Variants in NEXMIF observed in about 807,000 individuals in gnomAD.
The protein encoded by NEXMIF is neurite extension and migration factor, also known as XLMR protein related to neurite extension.
NEXMIF carries 8 observed loss-of-function variants against 62.1 expected under a neutral mutation model. That is an observed-to-expected ratio of 0.13 (90% CI 0.08 to 0.23). NEXMIF has a LOEUF of 0.23. Among genes scored for constraint, NEXMIF ranks in the 10% least tolerant of loss-of-function variants. NEXMIF has a pLI of 1.00. For synonymous variants in NEXMIF, 404 were observed against 416.6 expected (o/e 0.97, Z 0.37); for missense variants, 976 against 1,113.3 (o/e 0.88, Z 1.75).
chrX:74,924,073 C>A (rs754406049), intron 1 of NEXMIF, among the ~76,000 whole-genome samples: 4 of 111,958 alleles, frequency 3.6e-5, no homozygotes, highest in African/African-American at 1.3e-4. Flanking sequence ...ATGCTGAAAT[C>A]GCTGAATTCC....
chrX:74,748,812 C>T (rs1324456889), intron 1 of NEXMIF, among the ~76,000 whole-genome samples: 1 of 111,498 alleles, frequency 9.0e-6, no homozygotes, highest in East Asian at 2.8e-4. Context: ...AGGTGACCCA[C>T]ACCAACATTT....
intron 1 of NEXMIF, among the ~76,000 whole-genome samples, chrX:74,922,888 C>T (rs59447377): frequency 0.16 from 17,246 of 110,387 alleles, 1,963 homozygotes; most frequent in East Asian, 0.9. Flanking sequence ...TCTGGGGGGG[C>T]CAGTTGGGAC....
chrX:74,812,585 T>A (rs761418000), intron 1 of NEXMIF, among the ~76,000 whole-genome samples: 4 of 111,091 alleles, frequency 3.6e-5, no homozygotes, highest in African/African-American at 1.3e-4. Flanking sequence ...AAATATTACA[T>A]AGGATAACAT....
chrX:74,870,007 C>A (rs2080594630), intron 1 of NEXMIF, among the ~76,000 whole-genome samples: 1 of 110,980 alleles, frequency 9.0e-6, no homozygotes, highest in Non-Finnish European at 1.9e-5. Context: ...CCCAGAATAG[C>A]CAAAGCTATC....
chrX:74,787,380 C>G (rs1271890367), intron 1 of NEXMIF, among the ~76,000 whole-genome samples: 1 of 111,310 alleles, frequency 9.0e-6, no homozygotes, highest in Non-Finnish European at 1.9e-5. Context: ...TTAAGATGCA[C>G]TCTCCGTGAC....
At chrX:74,794,298 G>T (rs2080297459) in intron 1 of NEXMIF, among the ~76,000 whole-genome samples, 1 of 106,277 alleles carries the variant, frequency 9.4e-6, no homozygotes, top group Non-Finnish European at 1.9e-5. Flanking sequence ...GGGGGTCAGG[G>T]GTCAGGGACC....
At chrX:74,829,641 A>G (rs1349614042) in intron 1 of NEXMIF, among the ~76,000 whole-genome samples, 1 of 111,904 alleles carries the variant, frequency 8.9e-6, no homozygotes, top group Non-Finnish European at 1.9e-5. Flanking sequence ...TGTTCTCCAC[A>G]GTGCTTGCAC....
Position 74,744,481 on chromosome X carries a change from G to A in NEXMIF, c.80-4C>T, listed in dbSNP as rs1444341298. On this transcript the variant is annotated splice_polypyrimidine_tract_variant and splice_region_variant and intron_variant, in intron 2 of 3. Coordinates refer to ENST00000055682, the MANE Select transcript of NEXMIF (RefSeq NM_001008537.3). ...GCCACATCCTGGTCCTCTGAGTCTA[G>A]AAAAAAGGGAAAGAAATGACAGGAA... is the stretch of plus-strand genomic sequence containing the variant. 6 of 1,156,224 alleles carry A rather than the reference G, an allele frequency of 5.2e-6. No individual in the cohort carries two copies. The Admixed American group carries it at 1.1e-4, about 20-fold the overall frequency.
chrX:74,812,609 G>C (rs2080363877), intron 1 of NEXMIF, among the ~76,000 whole-genome samples: 1 of 111,395 alleles, frequency 9.0e-6, no homozygotes, highest in Admixed American at 9.6e-5. Context: ...ACCAATAGGA[G>C]GAGGGGCAGG....
Position 74,875,863 on chromosome X carries a change from T to C in NEXMIF, c.-48+49020A>G, listed in dbSNP as rs1211764279. 3.2e-3 allele frequency among the ~76,000 whole-genome samples: 354 copies of C among 111,078 alleles called. 1 individual carries two copies. The highest frequency in any genetic ancestry group is 0.011 in the African/African-American group (333 of 30,584). ...ATATCCCCTTTATCATTTTTTATTG[T>C]GTCTATTTGATTCTTCTCTCTTTTT... On this transcript the variant is annotated intron_variant, in intron 1 of 3. Transcript: ENST00000055682.
At chrX:74,802,566 A>G (rs1165022904) in intron 1 of NEXMIF, among the ~76,000 whole-genome samples, 1 of 110,760 alleles carries the variant, frequency 9.0e-6, no homozygotes, top group Non-Finnish European at 1.9e-5. Flanking sequence ...CCTTTTGAAT[A>G]TCTCGAAAGC....
chrX:74,741,133 T>C lies in NEXMIF; in HGVS notation c.3424A>G (p.Asn1142Asp), dbSNP rs1403157869. 8.3e-7 allele frequency: 1 copy of C among 1,208,849 alleles called. No individual in the cohort carries two copies. Among genetic ancestry groups the C allele is most frequent in the East Asian group, 3.0e-5 (1 of 33,746 alleles). Residue 1142 changes from asparagine to aspartate, a missense_variant, in exon 3 of 4, where the codon AAT (asparagine) becomes GAT (aspartate). Coordinates refer to ENST00000055682, the MANE Select transcript of NEXMIF (RefSeq NM_001008537.3). Reference sequence around the variant, plus strand: ...AGCAGGCTGACAGAATCCTCATCATTGAACATATGGAACTGAAACTGGTGA... The same window carrying C: ...AGCAGGCTGACAGAATCCTCATCATCGAACATATGGAACTGAAACTGGTGA... ...NNHQFQFHMF[N>D]DEDSVSLLQK... is the part of the protein sequence containing the mutation.
intron 1 of NEXMIF, among the ~76,000 whole-genome samples, chrX:74,877,967 G>A (rs984159289): frequency 3.0e-4 from 34 of 111,949 alleles, no homozygotes; most frequent in Admixed American, 1.8e-3. Flanking sequence ...TAATTTGATC[G>A]TCTGAAGCCT....
chrX:74,820,132 G>T (rs1383429280), intron 1 of NEXMIF, among the ~76,000 whole-genome samples: 1 of 110,155 alleles, frequency 9.1e-6, no homozygotes, highest in Non-Finnish European at 1.9e-5. Flanking sequence ...GTGGGAAATG[G>T]ACAATGAGAT....
At chrX:74,831,406 A>G (rs2147484237) in intron 1 of NEXMIF, among the ~76,000 whole-genome samples, 1 of 86,954 alleles carries the variant, frequency 1.2e-5, no homozygotes, top group Non-Finnish European at 2.1e-5. Flanking sequence ...ATGTGTTCTC[A>G]TTGTTCAATT....
At chrX:74,833,315 C>A (rs999293898) in intron 1 of NEXMIF, among the ~76,000 whole-genome samples, 12 of 111,771 alleles carry the variant, frequency 1.1e-4, no homozygotes, top group African/African-American at 3.9e-4. Flanking sequence ...TATTTACAAT[C>A]GTTCTATCCT....
Position 74,739,427 on chromosome X carries a change from C to T in NEXMIF, c.4529G>A (p.Arg1510His), listed in dbSNP as rs559413122. Reference protein sequence around the residue: ...WVLPVFEEETRIFQKDI With the variant: ...WVLPVFEEETHIFQKDI ...ACATCAAATGTCTTTCTGGAAAATGCGAGTCTCTTCTTCAAACACAGGTAA... is the reference window on the plus strand; with the variant it reads ...ACATCAAATGTCTTTCTGGAAAATGTGAGTCTCTTCTTCAAACACAGGTAA... Residue 1510 changes from arginine (R) to histidine (H), a missense_variant, in exon 4 of 4, where the codon CGC becomes CAC. Around this residue, in one of 5 missense-constraint regions of NEXMIF, gnomAD observed 137 missense variants for 128.9 expected, o/e 1.06. Coordinates refer to ENST00000055682, the MANE Select transcript of NEXMIF (RefSeq NM_001008537.3). 6 of 1,193,689 alleles carry T rather than the reference C, an allele frequency of 5.0e-6. No individual in the cohort carries two copies. The highest frequency in any genetic ancestry group is 3.0e-5 in the East Asian group (1 of 33,142).
Position 74,740,265 on chromosome X carries a change from T to A in NEXMIF, c.4292A>T (p.Tyr1431Phe). The A allele has an allele frequency of 8.3e-7, 1 of 1,211,623 alleles. No individual in the cohort carries two copies. The highest frequency in any genetic ancestry group is 1.1e-6 in the Non-Finnish European group (1 of 895,490). Residue 1431 changes from tyrosine to phenylalanine, a missense_variant, in exon 3 of 4, where the codon TAT becomes TTT. By Grantham distance (22) the Tyr-to-Phe change is conservative. Around this residue, in one of 5 missense-constraint regions of NEXMIF, gnomAD observed 137 missense variants for 128.9 expected, o/e 1.06. Coordinates refer to ENST00000055682, the MANE Select transcript of NEXMIF (RefSeq NM_001008537.3). ...DSRSTFFDKK[Y>F]SNMSTLGNNG... ...ATTGCCTAAAGTGCTCATGTTACTA[T>A]ACTTTTTATCAAAGAAGGTAGAGCG...
chrX:74,830,543 T>C (rs760829495), intron 1 of NEXMIF, among the ~76,000 whole-genome samples: 2 of 111,887 alleles, frequency 1.8e-5, no homozygotes, highest in South Asian at 3.8e-4. Flanking sequence ...CTGAGACTTT[T>C]GTGGTTCCAA....
Sources: gnomAD v4.1 joint callset for allele counts (sites outside exome capture counted in the v4.1 genomes callset) on GRCh38, gnomAD v4.1.1 for gene constraint, gnomAD v4.1.1 regional missense constraint, MANE v1.5 for transcripts, NCBI Gene and HGNC (gene_info 2026-07-23, HGNC 2026-07-21) for gene names.